SEMA3A: variants seen among roughly 807,000 people sequenced by gnomAD.
SEMA3A encodes the protein semaphorin-3A.
In SEMA3A, 29 loss-of-function variants were observed where a neutral mutation model predicts 97.9. The observed-to-expected ratio is 0.30, with a 90% CI of 0.22 to 0.40. The LOEUF is 0.40. SEMA3A is among the 10% of genes least tolerant of loss of function. The probability of loss-of-function intolerance (pLI) is 1.00; values close to 1 mark genes in which losing one functional copy is unlikely to be tolerated. For synonymous variants in SEMA3A, 321 were observed against 323.7 expected, an observed-to-expected ratio of 0.99 and a Z score of 0.09; for missense variants, 763 against 951.3, an observed-to-expected ratio of 0.80 and a Z score of 2.60.
chr7:84,370,790 A>C (rs746551919), intron 2 of SEMA3A, among the ~76,000 whole-genome samples: 8 of 151,640 alleles, frequency 5.3e-5, no homozygotes, highest in Non-Finnish European at 8.9e-5. Context: ...AAAAATAAGG[A>C]GACATACAAT....
At chr7:84,053,583 T>C (rs1235229336) in intron 5 of SEMA3A, among the ~76,000 whole-genome samples, 2 of 5,818 alleles carry the variant, frequency 3.4e-4, no homozygotes, top group Admixed American at 1.2e-3. Flanking sequence ...TCCTCCATCC[T>C]TTTATTTTGA....
At chr7:84,379,181 C>G (rs1439646388) in intron 1 of SEMA3A, among the ~76,000 whole-genome samples, 1 of 152,248 alleles carries the variant, frequency 6.6e-6, no homozygotes, top group Middle Eastern at 3.4e-3. Context: ...CCTGCCTCGG[C>G]CTCCCAAAGT....
intron 2 of SEMA3A, among the ~76,000 whole-genome samples, chr7:84,321,800 G>A (rs745336589): frequency 6.1e-5 from 9 of 148,464 alleles, no homozygotes; most frequent in Non-Finnish European, 8.9e-5. Context: ...CGTGTGAACC[G>A]GGGAGGCAGG....
intron 1 of SEMA3A, among the ~76,000 whole-genome samples, chr7:84,491,297 T>C (rs748386366): frequency 2.0e-5 from 3 of 152,194 alleles, no homozygotes; most frequent in Non-Finnish European, 4.4e-5. Context: ...CCTTTTGAGA[T>C]GACAATGTCT....
chr7:84,080,389 A>T (rs1794113484), intron 4 of SEMA3A, among the ~76,000 whole-genome samples: 1 of 152,034 alleles, frequency 6.6e-6, no homozygotes, highest in African/African-American at 2.4e-5. Context: ...AAAAAAAAAT[A>T]AAAAATTATA....
At chr7:84,270,490 TTTTC>T (rs1310978455) in intron 3 of SEMA3A, among the ~76,000 whole-genome samples, 1 of 150,080 alleles carries the variant, frequency 6.7e-6, no homozygotes, top group Non-Finnish European at 1.5e-5. Flanking sequence ...AATAATATCT[TTTTC>T]TTTCTTTCTC....
chr7:84,212,514 C>A (rs1798654598), intron 3 of SEMA3A, among the ~76,000 whole-genome samples: 1 of 149,230 alleles, frequency 6.7e-6, no homozygotes, highest in South Asian at 2.1e-4. Context: ...AACAAATGAT[C>A]TTATGAAGAA....
Position 83,984,843 on chromosome 7 carries a change from C to T in SEMA3A, c.1494+593G>A, listed in dbSNP as rs114330276. Reference sequence around the variant, plus strand: ...CCTTTGAATTCATGAAGTTTTAGTACTTATTTGGCAGTGATCATTTTTTTG... The same window carrying T: ...CCTTTGAATTCATGAAGTTTTAGTATTTATTTGGCAGTGATCATTTTTTTG... On this transcript the variant is annotated intron_variant, in intron 13 of 16. Transcript: ENST00000265362. 3.8e-3 allele frequency among the ~76,000 whole-genome samples: 577 copies of T among 151,864 alleles called. 2 individuals carry two copies. The highest frequency in any genetic ancestry group is 0.013 in the African/African-American group (544 of 41,496).
intron 2 of SEMA3A, among the ~76,000 whole-genome samples, chr7:84,130,456 A>G (rs1005052860): frequency 1.3e-5 from 2 of 152,146 alleles, no homozygotes; most frequent in East Asian, 3.8e-4. Flanking sequence ...CATTTTTAAC[A>G]TTAAGTTCTA....
intron 4 of SEMA3A, among the ~76,000 whole-genome samples, chr7:84,070,627 G>A (rs1487352283): frequency 6.6e-6 from 1 of 152,092 alleles, no homozygotes; most frequent in African/African-American, 2.4e-5. Flanking sequence ...GGTATTGAAA[G>A]AATGTATGTT....
intron 2 of SEMA3A, among the ~76,000 whole-genome samples, chr7:84,345,854 T>G (rs964323992): frequency 6.6e-6 from 1 of 152,186 alleles, no homozygotes; most frequent in African/African-American, 2.4e-5. Flanking sequence ...TTTAACCTCC[T>G]CCCATGAACT....
intron 1 of SEMA3A, among the ~76,000 whole-genome samples, chr7:84,177,353 TGTGTTTATAATATAAA>T (rs1797600256): frequency 6.6e-6 from 1 of 152,128 alleles, no homozygotes; most frequent in Admixed American, 6.5e-5. Flanking sequence ...CATTCTCCTA[TGTGTTTATAATATAAA>T]GTTATCACCT....
At chr7:84,092,900 T>C (rs1242935342) in intron 4 of SEMA3A, among the ~76,000 whole-genome samples, 4 of 152,106 alleles carry the variant, frequency 2.6e-5, no homozygotes, top group Non-Finnish European at 5.9e-5. Flanking sequence ...AAATTTATTT[T>C]CTGTTAGGTC....
At chr7:84,245,083 G>A (rs575404239) in intron 3 of SEMA3A, among the ~76,000 whole-genome samples, 12 of 152,018 alleles carry the variant, frequency 7.9e-5, no homozygotes, top group South Asian at 2.1e-4. Flanking sequence ...TGCTCTTCTC[G>A]AGGAATATCT....
At chr7:84,217,413 T>C (rs1281565520) in intron 3 of SEMA3A, among the ~76,000 whole-genome samples, 4 of 152,214 alleles carry the variant, frequency 2.6e-5, no homozygotes, top group Non-Finnish European at 5.9e-5. Context: ...TATTTCTAAA[T>C]TGCAGCCCTG....
rs576815099 is a variant in SEMA3A at position 84,300,411 on chromosome 7, T to A, written c.-83+6796A>T. 2.0e-5 allele frequency among the ~76,000 whole-genome samples: 3 copies of A among 152,192 alleles called. No individual in the cohort carries two copies. The South Asian group carries it at 6.2e-4, about 32-fold the overall frequency. Reference sequence around the variant, plus strand: ...AAAGCAAATCCCAAAAGGCATAACATAATTACACTTGAAAATATCAGTGAT... The same window carrying A: ...AAAGCAAATCCCAAAAGGCATAACAAAATTACACTTGAAAATATCAGTGAT... On this transcript the variant is annotated intron_variant, in intron 3 of 3. Transcript: ENST00000424555.
At chr7:84,115,003 G>A (rs1395029502) in intron 3 of SEMA3A, among the ~76,000 whole-genome samples, 1 of 152,026 alleles carries the variant, frequency 6.6e-6, no homozygotes, top group Non-Finnish European at 1.5e-5. Flanking sequence ...AGGCAGTTCT[G>A]TCCATTTTGG....
intron 10 of SEMA3A, among the ~76,000 whole-genome samples, chr7:84,006,773 C>T (rs958118492): frequency 1.6e-4 from 24 of 151,918 alleles, no homozygotes; most frequent in African/African-American, 5.8e-4. Flanking sequence ...TTTTCTTTGC[C>T]ACTAGCTTGA....
At chr7:84,203,922 G>A (rs1342535374) in intron 3 of SEMA3A, among the ~76,000 whole-genome samples, 1 of 151,470 alleles carries the variant, frequency 6.6e-6, no homozygotes, top group East Asian at 1.9e-4. Flanking sequence ...ATTCTAAAAT[G>A]CTGCTAAAAT....
Sources: allele counts gnomAD v4.1 joint callset (sites outside exome capture counted in the v4.1 genomes callset), GRCh38; gene constraint gnomAD v4.1.1; transcripts MANE v1.5; gene names NCBI Gene and HGNC (gene_info 2026-07-23, HGNC 2026-07-21).